Variants in THSD4 observed in about 807,000 individuals in gnomAD.
THSD4 encodes thrombospondin type 1 domain containing 4.
Under a neutral mutation model 119.0 loss-of-function variants are expected in THSD4, and 69 were observed. The observed-to-expected ratio is 0.58, with a 90% CI of 0.48 to 0.71. The LOEUF (loss-of-function observed/expected upper bound fraction) is 0.71, where lower values mean the gene tolerates loss of function less well. Among genes scored for constraint, THSD4 ranks in the 30% least tolerant of loss-of-function variants. The pLI is 0.00. For synonymous variants in THSD4, 524 were observed against 540.4 expected (o/e 0.97, Z 0.42); for missense variants, 1,393 against 1,391.1 (o/e 1.00, Z -0.02).
At chr15:71,215,888 A>T (rs1365211663) in intron 4 of THSD4, among the ~76,000 whole-genome samples, 1 of 152,194 alleles carries the variant, frequency 6.6e-6, no homozygotes, top group East Asian at 1.9e-4. Flanking sequence ...GATTCTGTGA[A>T]CTTTTCTAGT....
intron 7 of THSD4, among the ~76,000 whole-genome samples, chr15:71,562,357 C>T (rs546373298): frequency 3.3e-5 from 5 of 151,842 alleles, no homozygotes; most frequent in South Asian, 4.1e-4. Flanking sequence ...CATCAACCAT[C>T]TGAGTGTGTT....
intron 7 of THSD4, among the ~76,000 whole-genome samples, chr15:71,657,860 TATA>T (rs2140991428): frequency 6.6e-6 from 1 of 152,372 alleles, no homozygotes; most frequent in South Asian, 2.1e-4. Flanking sequence ...AGCATTTTCA[TATA>T]ATGTCTGATT....
At chr15:71,704,713 C>G (rs1390566146) in intron 8 of THSD4, among the ~76,000 whole-genome samples, 3 of 152,206 alleles carry the variant, frequency 2.0e-5, no homozygotes, top group African/African-American at 7.2e-5. Flanking sequence ...GGCACTTGGT[C>G]CTGGACATAC....
At chr15:71,124,438 A>T (rs1394152894) in intron 1 of THSD4, among the ~76,000 whole-genome samples, 1 of 152,250 alleles carries the variant, frequency 6.6e-6, no homozygotes, top group Non-Finnish European at 1.5e-5. Flanking sequence ...CCCCTGGTCT[A>T]GACGCTTACA....
At position 71,097,724 on chromosome 15, in the gene THSD4, ATATAT is replaced by A. The variant is rs1005457424; in HGVS notation, c.-80+720_-80+724del. 1.0e-3 allele frequency among the ~76,000 whole-genome samples: 137 copies of A among 133,692 alleles called. 1 individual carries two copies. Among genetic ancestry groups the A allele is most frequent in the Middle Eastern group, 3.7e-3 (1 of 268 alleles). The allele number at this position is 133,692 out of a possible 152,430, so 87.7% of individuals were successfully genotyped here. On this transcript the variant is annotated intron_variant, in intron 1 of 17. Transcript: ENST00000355327. Reference sequence around the variant, plus strand: ...CAGAAAGATGTATATATATATATATATATATTTTTTTTTTTAAGTCCAAAGCAAAC... The same window carrying A: ...CAGAAAGATGTATATATATATATATATTTTTTTTTTAAGTCCAAAGCAAAC...
chr15:71,121,084 T>C (rs1414484670), intron 1 of THSD4, among the ~76,000 whole-genome samples: 1 of 152,168 alleles, frequency 6.6e-6, no homozygotes, highest in East Asian at 1.9e-4. Context: ...TACAAATTTG[T>C]AGTTGCCAGA....
chr15:71,532,486 T>G (rs2048629210), intron 7 of THSD4, among the ~76,000 whole-genome samples: 1 of 151,788 alleles, frequency 6.6e-6, no homozygotes, highest in African/African-American at 2.4e-5. Flanking sequence ...ATTTTTTTTT[T>G]TTGTATTTTT....
At chr15:71,126,623 A>G (rs1018550983) in intron 1 of THSD4, among the ~76,000 whole-genome samples, 1 of 152,264 alleles carries the variant, frequency 6.6e-6, no homozygotes, top group Non-Finnish European at 1.5e-5. Flanking sequence ...TGATGCCAGC[A>G]CTGAGTTGAC....
intron 7 of THSD4, among the ~76,000 whole-genome samples, chr15:71,481,783 A>AT (rs1189790768): frequency 6.6e-6 from 1 of 152,222 alleles, no homozygotes; most frequent in Non-Finnish European, 1.5e-5. Flanking sequence ...TTCTCACCTT[A>AT]TTAAGTGATC....
At chr15:71,466,073 G>A (rs945398379) in intron 7 of THSD4, among the ~76,000 whole-genome samples, 1 of 152,124 alleles carries the variant, frequency 6.6e-6, no homozygotes, top group Admixed American at 6.5e-5. Context: ...ATAGAGGCCG[G>A]GCGCAGTGGC....
chr15:71,560,055 C>G (rs2049089058), intron 7 of THSD4, among the ~76,000 whole-genome samples: 1 of 152,114 alleles, frequency 6.6e-6, no homozygotes, highest in Non-Finnish European at 1.5e-5. Context: ...AGGCATTTCT[C>G]CTTTAAAAAT....
intron 14 of THSD4, among the ~76,000 whole-genome samples, chr15:71,754,235 GCACAC>G (rs1365746570): frequency 6.6e-6 from 1 of 151,870 alleles, no homozygotes; most frequent in Non-Finnish European, 1.5e-5. Context: ...AATTACAGGT[GCACAC>G]CATCATGCCC....
intron 3 of THSD4, chr15:71,164,749 A>G (rs1040667450): frequency 1.3e-6 from 2 of 1,586,108 alleles, no homozygotes; most frequent in African/African-American, 2.7e-5. Flanking sequence ...GACAAGAAAA[A>G]AAAACTGCGC....
chr15:71,387,966 A>C lies in THSD4; in HGVS notation c.1016-23721A>C, dbSNP rs190215500. Among the ~76,000 whole-genome samples, 145 of 152,302 alleles carry C rather than the reference A, an allele frequency of 9.5e-4. 1 individual carries two copies. Among genetic ancestry groups the C allele is most frequent in the African/African-American group, 3.4e-3 (140 of 41,550 alleles). On this transcript the variant is annotated intron_variant, in intron 6 of 17. Transcript: ENST00000261862. ...TGATCTTATTTTCCCCCCTCAACCCAGAGCTATTTAATCTCTCCTGGGAGA... is the reference window on the plus strand; with the variant it reads ...TGATCTTATTTTCCCCCCTCAACCCCGAGCTATTTAATCTCTCCTGGGAGA...
Position 71,779,846 on chromosome 15 carries a change from C to CTTT in THSD4, c.*2481_*2483dup, listed in dbSNP as rs35613239. The CTTT allele has an allele frequency of 2.4e-3, 358 of 148,854 alleles. No homozygotes were observed. The highest frequency in any genetic ancestry group is 3.5e-3 in the Middle Eastern group (1 of 286). The allele number at this position is 148,854 out of a possible 1,614,324, so 9.2% of individuals were successfully genotyped here. On this transcript the variant is annotated 3_prime_UTR_variant, in exon 18 of 18. Transcript: ENST00000261862. ...GAGAAAGTGCATAAACCAGGGGTCT[C>CTTT]TTTTTTTTTTTCAACAAACCATTGA...
In THSD4 at chr15:71,447,118, G is replaced by GTTTTT. The variant is rs1555414736; in HGVS notation, c.1152+35311_1152+35315dup. On this transcript the variant is annotated intron_variant, in intron 7 of 17. Coordinates refer to ENST00000261862, the MANE Select transcript of THSD4 (RefSeq NM_024817.3). The stretch of plus-strand genomic sequence containing the variant: ...TTGCCCTCTTCCCTCCATTTTTTTT[G>GTTTTT]TTTTTTTTTTTTTTTTTTTTGGAGA... Among the ~76,000 whole-genome samples, 95 of 76,050 alleles carry GTTTTT rather than the reference G, an allele frequency of 1.2e-3. 4 individuals are homozygous for GTTTTT. Among genetic ancestry groups the GTTTTT allele is most frequent in the South Asian group, 2.6e-3 (6 of 2,288 alleles). The allele number at this position is 76,050 out of a possible 152,430, so 49.9% of individuals were successfully genotyped here. A position where few individuals can be genotyped will look rare whatever the true frequency, so the allele number is the denominator to read the frequency against.
At chr15:71,339,046 C>T (rs984423168) in intron 6 of THSD4, among the ~76,000 whole-genome samples, 1 of 152,168 alleles carries the variant, frequency 6.6e-6, no homozygotes, top group African/African-American at 2.4e-5. Flanking sequence ...AGCCACTGGC[C>T]ATCTCTGCGG....
At chr15:71,267,939 G>A (rs948342282) in intron 6 of THSD4, among the ~76,000 whole-genome samples, 5 of 152,134 alleles carry the variant, frequency 3.3e-5, no homozygotes, top group African/African-American at 1.2e-4. Context: ...ACCCAATACA[G>A]GAGCATCCAG....
chr15:71,402,844 A>G (rs1181246140), intron 6 of THSD4, among the ~76,000 whole-genome samples: 3 of 152,292 alleles, frequency 2.0e-5, no homozygotes, highest in South Asian at 2.1e-4. Flanking sequence ...TGCCGTGATT[A>G]TATTTCCTTT....
Sources: gnomAD v4.1 joint callset for allele counts (sites outside exome capture counted in the v4.1 genomes callset) on GRCh38, gnomAD v4.1.1 for gene constraint, MANE v1.5 for transcripts, NCBI Gene and HGNC (gene_info 2026-07-23, HGNC 2026-07-21) for gene names.